The following FAM221A variants were observed in gnomAD, a reference collection of about 807,000 sequenced individuals.
FAM221A encodes protein FAM221A.
Under a neutral mutation model 37.6 loss-of-function variants are expected in FAM221A, and 43 were observed. That is an observed-to-expected ratio of 1.15 (90% CI 0.90 to 1.48). FAM221A has a LOEUF of 1.48. Ranked by LOEUF, FAM221A falls within the 40% of genes most tolerant of loss-of-function variation. The probability of loss-of-function intolerance (pLI) is 0.00; values close to 1 mark genes in which losing one functional copy is unlikely to be tolerated. For missense variants in FAM221A, 361 were observed against 361.5 expected (o/e 1.00, Z 0.01); for synonymous variants, 135 against 132.9 (o/e 1.02, Z -0.11).
intron 4 of FAM221A, chr7:23,693,142 C>A (rs1784847473): frequency 6.6e-6 from 1 of 152,158 alleles, no homozygotes; most frequent in Non-Finnish European, 1.5e-5. Flanking sequence ...CTGCCTGTAT[C>A]CTTGCATGAA....
intron 5 of FAM221A, among the ~76,000 whole-genome samples, 153 bp downstream of exon 5, chr7:23,698,452 A>C (rs73271341): frequency 5.4e-4 from 83 of 152,332 alleles, no homozygotes; most frequent in African/African-American, 1.9e-3. Flanking sequence ...TAAGCCACAC[A>C]CTGAGAAAAA....
At chr7:23,690,678 T>G (rs368236236) in intron 3 of FAM221A, among the ~76,000 whole-genome samples, 3 of 152,324 alleles carry the variant, frequency 2.0e-5, no homozygotes, top group East Asian at 3.9e-4. Flanking sequence ...TTTTAATATA[T>G]AATCAGCATG....
At chr7:23,692,647 G>A (rs1363883390) in intron 4 of FAM221A, 4 of 984,396 alleles carry the variant, frequency 4.1e-6, no homozygotes, top group Non-Finnish European at 1.2e-6. Context: ...AGGCCCATAC[G>A]AGTATATATT....
At chr7:23,700,636 A>C in intron 5 of FAM221A, 150 bp from the exon 6 acceptor site, 1 of 544,576 alleles carries the variant, frequency 1.8e-6, no homozygotes, top group Non-Finnish European at 3.2e-6. Context: ...CTAAAAGAGA[A>C]TGAGGTAGTA....
At chr7:23,682,071 T>C (rs1007745374) in intron 1 of FAM221A, among the ~76,000 whole-genome samples, 1 of 151,186 alleles carries the variant, frequency 6.6e-6, no homozygotes, top group Non-Finnish European at 1.5e-5. Flanking sequence ...TGCAGACCTA[T>C]TATTATTATT....
rs774313037 is a variant in FAM221A, at chr7:23,690,199, A to ATATATATTTTTT, written c.430+741_430+742insATATATTTTTTT. Among the ~76,000 whole-genome samples the ATATATATTTTTT allele has an allele frequency of 2.5e-3, 124 of 48,714 alleles. 1 individual carries two copies. The highest frequency in any genetic ancestry group is 6.8e-3 in the East Asian group (8 of 1,174). The allele number at this position is 48,714 out of a possible 152,430, so 32.0% of individuals were successfully genotyped here. ...TATATATATATATATATATATATAT[A>ATATATATTTTTT]TTTTTTTTTTTTTTAATAGAGTTTT... On this transcript the variant is annotated intron_variant, in intron 3 of 6. Transcript: ENST00000344962.
At chr7:23,697,762 T>C (rs975414485) in intron 4 of FAM221A, among the ~76,000 whole-genome samples, 21 of 152,202 alleles carry the variant, frequency 1.4e-4, no homozygotes, top group Non-Finnish European at 2.5e-4. Context: ...GACAAAAATC[T>C]AAATAAAAAG....
rs1784114773 is a variant in FAM221A at position 23,682,502 on chromosome 7, G to A, written c.66-1997G>A. 2.0e-5 allele frequency among the ~76,000 whole-genome samples: 3 copies of A among 150,428 alleles called. 1 individual carries two copies. In the South Asian group the frequency reaches 6.3e-4, roughly 31 times the overall value. ...GCTGGAGTGCAGTGGCGCTATCTCA[G>A]CTCACTGTAACCTCTGCCTCCGTGG... is the stretch of plus-strand genomic sequence containing the variant. On this transcript the variant is annotated intron_variant, in intron 1 of 6. Transcript: ENST00000344962.
intron 4 of FAM221A, among the ~76,000 whole-genome samples, chr7:23,696,246 A>C (rs957216224): frequency 7.0e-6 from 1 of 142,264 alleles, no homozygotes; most frequent in Non-Finnish European, 1.5e-5. Context: ...TAGAAAAGGT[A>C]CAGTAAAAAT....
chr7:23,681,694 C>A (rs547565941), intron 1 of FAM221A, among the ~76,000 whole-genome samples: 11 of 152,346 alleles, frequency 7.2e-5, no homozygotes, highest in Middle Eastern at 3.4e-3. Flanking sequence ...AGGCCTGGGC[C>A]ACCGCGCCCG....
chr7:23,694,295 T>TA (rs1225597630), intron 4 of FAM221A: 1 of 152,210 alleles, frequency 6.6e-6, no homozygotes, highest in African/African-American at 2.4e-5. Context: ...GTAATATATA[T>TA]TTTTTATGAT....
At position 23,689,388 on chromosome 7, in the gene FAM221A, A is replaced by C; in HGVS notation, c.359A>C (p.Gln120Pro). ...CTTTATGTCCCCTTGAATGGTAGCCAGCCCATTCGCTGCAGGTGCAAACAC... is the reference window on the plus strand; with the variant it reads ...CTTTATGTCCCCTTGAATGGTAGCCCGCCCATTCGCTGCAGGTGCAAACAC... Reference protein sequence around the residue: ...AYLYVPLNGSQPIRCRCKHFA... With the variant: ...AYLYVPLNGSPPIRCRCKHFA... The change falls in exon 3 of 7, where the codon CAG becomes CCG. Residue 120 changes from glutamine to proline, a missense_variant. Coordinates refer to ENST00000344962, the MANE Select transcript of FAM221A (RefSeq NM_199136.5). 1 of 1,607,962 alleles carries C rather than the reference A, an allele frequency of 6.2e-7. No homozygotes were observed. The highest frequency in any genetic ancestry group is 1.8e-4 in the Middle Eastern group (1 of 5,624).
intron 5 of FAM221A, 72 bp from the exon 6 acceptor site, chr7:23,700,714 C>T: frequency 2.0e-6 from 2 of 1,007,898 alleles, no homozygotes; most frequent in Non-Finnish European, 2.9e-6. Flanking sequence ...CAGGAGAAAA[C>T]TTTTCTTTCT....
chr7:23,700,656 A>T, intron 5 of FAM221A, 130 bp from the exon 6 acceptor site: 109 of 462,770 alleles, frequency 2.4e-4, no homozygotes, highest in Non-Finnish European at 3.5e-4. Flanking sequence ...AGGACCAATT[A>T]TTCATTTAGG....
intron 4 of FAM221A, chr7:23,692,607 G>A: frequency 1.1e-6 from 1 of 944,038 alleles, no homozygotes; most frequent in Non-Finnish European, 1.3e-6. Flanking sequence ...CTCCCAAAGT[G>A]CTGGGATTAC....
At chr7:23,700,977 T>G in intron 6 of FAM221A, 109 bp downstream of exon 6, 1 of 758,840 alleles carries the variant, frequency 1.3e-6, no homozygotes, top group Non-Finnish European at 2.1e-6. Flanking sequence ...TATAAAGTCT[T>G]TACTTACAGT....
intron 2 of FAM221A, chr7:23,687,734 C>G (rs780965963): frequency 6.7e-6 from 1 of 150,296 alleles, no homozygotes; most frequent in Admixed American, 6.6e-5. Flanking sequence ...ACCTCTGCCT[C>G]CTGGGTTCAA....
chr7:23,682,735 C>T (rs1196169216), intron 1 of FAM221A, among the ~76,000 whole-genome samples: 2 of 152,080 alleles, frequency 1.3e-5, no homozygotes, highest in African/African-American at 2.4e-5. Context: ...TCTTAATCTG[C>T]ATTTGAGCAA....
At chr7:23,680,347 G>T in intron 1 of FAM221A, 64 bp downstream of exon 1, 3 of 1,372,138 alleles carry the variant, frequency 2.2e-6, no homozygotes, top group Admixed American at 5.1e-5. Flanking sequence ...CTGGGCTGGG[G>T]GCGCGAGCAG....
Sources: gnomAD v4.1 joint callset for allele counts (sites outside exome capture counted in the v4.1 genomes callset) on GRCh38, gnomAD v4.1.1 for gene constraint, MANE v1.5 for transcripts, NCBI Gene and HGNC (gene_info 2026-07-23, HGNC 2026-07-21) for gene names.